COG7: variants seen among roughly 807,000 people sequenced by gnomAD.
COG7 encodes component of oligomeric golgi complex 7.
In COG7, 49 loss-of-function variants were observed where a neutral mutation model predicts 91.5. The ratio of observed to expected loss-of-function variants is 0.54; its 90% CI spans 0.43 to 0.68. The LOEUF (loss-of-function observed/expected upper bound fraction) is 0.68, where lower values mean the gene tolerates loss of function less well. Among genes scored for constraint, COG7 ranks in the 30% least tolerant of loss-of-function variants. The probability of loss-of-function intolerance (pLI) is 0.00; values close to 1 mark genes in which losing one functional copy is unlikely to be tolerated. For missense variants in COG7, 895 were observed against 961.3 expected, an observed-to-expected ratio of 0.93 and a Z score of 0.91; for synonymous variants, 365 against 388.7, an observed-to-expected ratio of 0.94 and a Z score of 0.72.
Position 23,434,668 on chromosome 16 carries a change from G to T in COG7, c.655C>A (p.Gln219Lys). Residue 219 changes from glutamine (Q) to lysine (K), a missense_variant, in exon 5 of 17, where the codon CAG (glutamine) becomes AAG (lysine). Coordinates refer to ENST00000307149, the MANE Select transcript of COG7 (RefSeq NM_153603.4). ...CACTTGTAGTAGTAGGCCAGGAGCTGGGGCATCCGGTCAATTTCAGTAAAC... is the reference window on the plus strand; with the variant it reads ...CACTTGTAGTAGTAGGCCAGGAGCTTGGGCATCCGGTCAATTTCAGTAAAC... ...KVFTEIDRMP[Q>K]LLAYYYKCHK... The T allele has an allele frequency of 6.2e-7, 1 of 1,613,828 alleles. No individual in the cohort carries two copies. Among genetic ancestry groups the T allele is most frequent in the Non-Finnish European group, 8.5e-7 (1 of 1,179,726 alleles).
At chr16:23,433,791 G>T in intron 5 of COG7, 124 bp from the exon 6 acceptor site, 1 of 1,059,702 alleles carries the variant, frequency 9.4e-7, no homozygotes, top group Non-Finnish European at 1.4e-6. Flanking sequence ...GCAGCCCAGT[G>T]AGGTCCATTC....
chr16:23,445,547 G>A (rs1020062063), intron 2 of COG7, among the ~76,000 whole-genome samples: 2 of 152,136 alleles, frequency 1.3e-5, no homozygotes, highest in African/African-American at 2.4e-5. Context: ...CAGCTACTCA[G>A]AAGGCTGAGG....
At chr16:23,406,388 G>T in intron 11 of COG7, 126 bp from the exon 12 acceptor site, 1 of 859,838 alleles carries the variant, frequency 1.2e-6, no homozygotes, top group Non-Finnish European at 1.9e-6. Context: ...TTAAGGTCCA[G>T]TTTATAAGGC....
chr16:23,443,435 G>T (rs1420312619), intron 3 of COG7, among the ~76,000 whole-genome samples: 4 of 152,200 alleles, frequency 2.6e-5, no homozygotes, highest in African/African-American at 9.7e-5. Flanking sequence ...TCACGCCCCT[G>T]TAATCCCAGC....
At position 23,434,666 on chromosome 16, in the gene COG7, C is replaced by G. The variant is rs1344921147; in HGVS notation, c.657G>C (p.Gln219His). 6.2e-7 allele frequency: 1 copy of G among 1,613,926 alleles called. No homozygotes were observed. The highest frequency in any genetic ancestry group is 1.1e-5 in the South Asian group (1 of 91,080). Reference protein sequence around the residue: ...KVFTEIDRMPQLLAYYYKCHK... With the variant: ...KVFTEIDRMPHLLAYYYKCHK... ...GACACTTGTAGTAGTAGGCCAGGAG[C>G]TGGGGCATCCGGTCAATTTCAGTAA... The change falls in exon 5 of 17, where the codon CAG becomes CAC. Residue 219 changes from glutamine (Q) to histidine (H), a missense_variant. Physicochemically the swap from Gln to His is conservative, Grantham distance 24. Transcript: ENST00000307149.
At chr16:23,419,477 G>A (rs190742059) in intron 7 of COG7, among the ~76,000 whole-genome samples, 35 of 151,528 alleles carry the variant, frequency 2.3e-4, no homozygotes, top group East Asian at 1.8e-3. Flanking sequence ...GGCTGGGCTC[G>A]GTGGCTCACA....
chr16:23,448,682 A>G (rs181863897), intron 1 of COG7, among the ~76,000 whole-genome samples: 2 of 152,208 alleles, frequency 1.3e-5, no homozygotes, highest in East Asian at 3.9e-4. Flanking sequence ...TCCTGTGCAT[A>G]TGTTACTCTC....
rs750439929 is a variant in COG7 at position 23,393,294 on chromosome 16, C to T, written c.1941G>A (p.Gln647=). ...LPLNLEPFVT[Q]EDSALELALH... Reference sequence around the variant, plus strand: ...ATGCCAACTCTAAGGCAGAGTCCTCCTGAGTCACAAATGGCTCAAGATTCA... The same window carrying T: ...ATGCCAACTCTAAGGCAGAGTCCTCTTGAGTCACAAATGGCTCAAGATTCA... The change falls in exon 15 of 17, where the codon CAG becomes CAA. Residue 647 remains glutamine (Q), a synonymous_variant. Transcript: ENST00000307149. 2 of 1,614,176 alleles carry T rather than the reference C, an allele frequency of 1.2e-6. No individual in the cohort carries two copies. The highest frequency in any genetic ancestry group is 2.2e-5 in the East Asian group (1 of 44,882).
intron 11 of COG7, among the ~76,000 whole-genome samples, chr16:23,407,122 T>C (rs1963475083): frequency 6.6e-6 from 1 of 152,250 alleles, no homozygotes; most frequent in Non-Finnish European, 1.5e-5. Context: ...ATGCACTCAC[T>C]ATTTCAAAAA....
rs140410751 is a variant in COG7 at position 23,427,978 on chromosome 16, C to T, written c.811-3031G>A. ...AGCACTTGAGGCCAGGAGTTCGAGA[C>T]CAGCCTGTGCAACATGGTGAAACCC... On this transcript the variant is annotated intron_variant, in intron 6 of 16. Coordinates refer to ENST00000307149, the MANE Select transcript of COG7 (RefSeq NM_153603.4). Among the ~76,000 whole-genome samples, 912 of 152,210 alleles carry T rather than the reference C, an allele frequency of 6.0e-3. 10 individuals are homozygous for T. The highest frequency in any genetic ancestry group is 8.9e-3 in the Non-Finnish European group (604 of 68,014).
intron 8 of COG7, among the ~76,000 whole-genome samples, chr16:23,418,234 G>A (rs894013968): frequency 2.0e-4 from 30 of 152,342 alleles, no homozygotes; most frequent in African/African-American, 7.2e-4. Context: ...GCCCGGCAGG[G>A]TGGCACATGC....
Position 23,393,251 on chromosome 16 carries a change from G to A in COG7, c.1984C>T (p.Pro662Ser). 6.2e-7 allele frequency: 1 copy of A among 1,613,644 alleles called. No homozygotes were observed. The highest frequency in any genetic ancestry group is 8.5e-7 in the Non-Finnish European group (1 of 1,179,666). The change falls in exon 15 of 17, where the codon CCA becomes TCA. Residue 662 changes from proline to serine, a missense_variant. Pro to Ser is a moderately conservative substitution (Grantham distance 74). Coordinates refer to ENST00000307149, the MANE Select transcript of COG7 (RefSeq NM_153603.4). ...LELALHAGKL[P>S]FPPEQGDELP... ...CGCTTACCCTGCTCAGGAGGAAATG[G>A]CAGCTTTCCAGCGTGCAATGCCAAC... is the stretch of plus-strand genomic sequence containing the variant.
Position 23,392,656 on chromosome 16 carries a change from G to A in COG7, c.2003-133C>T. On this transcript the variant is annotated intron_variant, in intron 15 of 16. Transcript: ENST00000307149. ...AAACAGTTACATCTTAGGGCCAGGTGCAGTGGCTCATGCCTGTAATCCCAG... is the reference window on the plus strand; with the variant it reads ...AAACAGTTACATCTTAGGGCCAGGTACAGTGGCTCATGCCTGTAATCCCAG... The A allele has an allele frequency of 2.9e-6, 3 of 1,031,348 alleles. No homozygotes were observed. In the South Asian group the frequency reaches 4.0e-5, roughly 14 times the overall value. 63.9% of individuals were successfully genotyped at this position (1,031,348 alleles called of 1,614,324 possible). A position where few individuals can be genotyped will look rare whatever the true frequency, so the allele number is the denominator to read the frequency against.
At chr16:23,403,475 A>G in intron 13 of COG7, among the ~76,000 whole-genome samples, 1 of 152,248 alleles carries the variant, frequency 6.6e-6, no homozygotes, top group Non-Finnish European at 1.5e-5. Context: ...AATAATCCTG[A>G]GAACCGCCTG....
In COG7 at chr16:23,406,161, T is replaced by C. The variant is rs376579040; in HGVS notation, c.1577A>G (p.Lys526Arg). The change falls in exon 12 of 17, where the codon AAG (lysine) becomes AGG (arginine). Residue 526 changes from lysine (K) to arginine (R), a missense_variant. Coordinates refer to ENST00000307149, the MANE Select transcript of COG7 (RefSeq NM_153603.4). ...SILTDKKNSA[K>R]NPWQEYNYLQ... ...GTAATTATATTCTTGCCATGGGTTC[T>C]TGGCAGAGTTCTTCTTGTCTGTCAA... 17 of 1,613,924 alleles carry C rather than the reference T, an allele frequency of 1.1e-5. No individual in the cohort carries two copies. The highest frequency in any genetic ancestry group is 2.7e-5 in the African/African-American group (2 of 74,916).
intron 10 of COG7, among the ~76,000 whole-genome samples, chr16:23,411,055 G>C (rs1963554046): frequency 1.3e-5 from 2 of 152,182 alleles, no homozygotes; most frequent in Admixed American, 6.5e-5. Context: ...ATATTTGCTA[G>C]ATGCCTGCTA....
chr16:23,446,356 T>C, intron 1 of COG7: 1 of 285,444 alleles, frequency 3.5e-6, no homozygotes, highest in South Asian at 3.8e-5. Context: ...ATAAGAAAAC[T>C]CAGAGAGGTT....
chr16:23,416,674 A>C (rs1963659878), intron 9 of COG7: 1 of 439,222 alleles, frequency 2.3e-6, no homozygotes, highest in Admixed American at 3.8e-5. Context: ...GTTAAATTTA[A>C]CTTGTCTAAG....
chr16:23,389,347 A>AC (rs1963150188), intron 16 of COG7, among the ~76,000 whole-genome samples: 1 of 151,990 alleles, frequency 6.6e-6, no homozygotes, highest in African/African-American at 2.4e-5. Context: ...CCCCAACCAC[A>AC]CACATACACA....
Sources: allele counts gnomAD v4.1 joint callset (sites outside exome capture counted in the v4.1 genomes callset), GRCh38; gene constraint gnomAD v4.1.1; transcripts MANE v1.5; gene names NCBI Gene and HGNC (gene_info 2026-07-23, HGNC 2026-07-21).